Variants in CDC5L observed in about 807,000 individuals in gnomAD.
CDC5L encodes the protein cell division cycle 5-like protein.
CDC5L carries 18 observed loss-of-function variants against 104.1 expected under a neutral mutation model. The observed-to-expected ratio is 0.17, with a 90% confidence interval of 0.12 to 0.26. The LOEUF is 0.26. Among genes scored for constraint, CDC5L ranks in the 10% least tolerant of loss-of-function variants. The probability of loss-of-function intolerance (pLI) is 1.00; values close to 1 mark genes in which losing one functional copy is unlikely to be tolerated. For synonymous variants in CDC5L, 331 were observed against 322.7 expected, an observed-to-expected ratio of 1.03 and a Z score of -0.28; for missense variants, 673 against 956.9, an observed-to-expected ratio of 0.70 and a Z score of 3.91.
At chr6:44,392,586 A>C in intron 2 of CDC5L, 81 bp from the exon 3 acceptor site, 1 of 1,268,706 alleles carries the variant, frequency 7.9e-7, no homozygotes. Context: ...GGATGAGAGC[A>C]CAAGTCAGTG....
chr6:44,389,845 A>T (rs1010372167), intron 1 of CDC5L, among the ~76,000 whole-genome samples: 4 of 152,126 alleles, frequency 2.6e-5, no homozygotes, highest in African/African-American at 9.7e-5. Context: ...TTCAAGGTAG[A>T]TGTTCAGGAA....
chr6:44,402,571 A>G (rs1374875483), intron 5 of CDC5L, among the ~76,000 whole-genome samples: 2 of 152,148 alleles, frequency 1.3e-5, no homozygotes, highest in African/African-American at 4.8e-5. Context: ...TCCATCTTTC[A>G]TATTGTGAAT....
intron 8 of CDC5L, among the ~76,000 whole-genome samples, chr6:44,415,065 C>G (rs766323977): frequency 6.9e-4 from 105 of 152,066 alleles, no homozygotes; most frequent in Non-Finnish European, 1.1e-3. Flanking sequence ...CTTAGCAGCC[C>G]TTAAAAAAAT....
chr6:44,428,064 C>G (rs1057045653), intron 13 of CDC5L, among the ~76,000 whole-genome samples: 1 of 152,122 alleles, frequency 6.6e-6, no homozygotes, highest in Non-Finnish European at 1.5e-5. Context: ...ATTTAGTTAG[C>G]AGATTATTTA....
rs372146196 is a variant in CDC5L, at chr6:44,440,708, C to CTTT, written c.2092-4932_2092-4930dup. 5.8e-3 allele frequency among the ~76,000 whole-genome samples: 758 copies of CTTT among 130,978 alleles called. 24 individuals carry two copies. Among genetic ancestry groups the CTTT allele is most frequent in the African/African-American group, 0.021 (722 of 34,444 alleles). 85.9% of individuals were successfully genotyped at this position (130,978 alleles called of 152,430 possible). A position where few individuals can be genotyped will look rare whatever the true frequency, so the allele number is the denominator to read the frequency against. On this transcript the variant is annotated intron_variant, in intron 14 of 15. Coordinates refer to ENST00000371477, the MANE Select transcript of CDC5L (RefSeq NM_001253.4). Reference sequence around the variant, plus strand: ...CTTTGTGGAGAGAATATTTAAAATCCTTTTTTTTTTTTTTTTTGCTATGGA... The same window carrying CTTT: ...CTTTGTGGAGAGAATATTTAAAATCCTTTTTTTTTTTTTTTTTTTTGCTATGGA...
At chr6:44,404,624 T>C (rs1271659668) in intron 6 of CDC5L, among the ~76,000 whole-genome samples, 3 of 152,222 alleles carry the variant, frequency 2.0e-5, no homozygotes, top group African/African-American at 7.2e-5. Context: ...TTTATGTACA[T>C]TTATGAGTAG....
At chr6:44,393,418 T>A in intron 3 of CDC5L, 28 bp from the exon 4 acceptor site, 1 of 1,607,644 alleles carries the variant, frequency 6.2e-7, no homozygotes, top group Non-Finnish European at 8.5e-7. Flanking sequence ...TACTGTAGTG[T>A]GACTAACTCC....
At chr6:44,412,583 C>T (rs559949182) in intron 8 of CDC5L, among the ~76,000 whole-genome samples, 1 of 138,760 alleles carries the variant, frequency 7.2e-6, no homozygotes, top group East Asian at 2.0e-4. Context: ...AATATTCACA[C>T]TTGAAATTAA....
At chr6:44,439,271 G>T (rs1793072747) in intron 14 of CDC5L, among the ~76,000 whole-genome samples, 1 of 152,134 alleles carries the variant, frequency 6.6e-6, no homozygotes, top group African/African-American at 2.4e-5. Context: ...GGATATTTGG[G>T]TTGCTTCTAC....
chr6:44,403,476 A>G (rs1010150610), intron 5 of CDC5L, among the ~76,000 whole-genome samples: 3 of 152,146 alleles, frequency 2.0e-5, no homozygotes, highest in Admixed American at 6.5e-5. Context: ...AAGCTATTCA[A>G]TGTATAGATG....
At chr6:44,421,250 G>A (rs543217295) in intron 9 of CDC5L, among the ~76,000 whole-genome samples, 91 of 152,218 alleles carry the variant, frequency 6.0e-4, no homozygotes, top group African/African-American at 2.0e-3. Context: ...ACTTCCACAT[G>A]CGTTAACTAG....
intron 4 of CDC5L, among the ~76,000 whole-genome samples, chr6:44,394,602 T>C (rs930421662): frequency 1.3e-5 from 2 of 151,966 alleles, no homozygotes; most frequent in African/African-American, 4.8e-5. Flanking sequence ...ACGCCTGTAA[T>C]CCCAGCACGT....
chr6:44,388,628 A>G (rs1790456897), intron 1 of CDC5L, among the ~76,000 whole-genome samples: 1 of 149,668 alleles, frequency 6.7e-6, no homozygotes. Context: ...GGAGCACATC[A>G]TGTCTTTTCA....
At chr6:44,416,203 A>G (rs531612277) in intron 8 of CDC5L, among the ~76,000 whole-genome samples, 102 of 152,328 alleles carry the variant, frequency 6.7e-4, no homozygotes, top group Admixed American at 1.6e-3. Context: ...TTAGTCCCAT[A>G]TACAGTTATG....
chr6:44,437,727 T>G (rs1793000329), intron 14 of CDC5L, among the ~76,000 whole-genome samples: 1 of 152,200 alleles, frequency 6.6e-6, no homozygotes, highest in Admixed American at 6.5e-5. Flanking sequence ...ATTAAGCAGT[T>G]TCTGAGTATA....
rs1461043802 is a variant in CDC5L, at chr6:44,448,704, T to A, written c.*1993T>A. 2 of 152,228 alleles carry A rather than the reference T, an allele frequency of 1.3e-5. No individual in the cohort carries two copies. Among genetic ancestry groups the A allele is most frequent in the African/African-American group, 4.8e-5 (2 of 41,468 alleles). The allele number at this position is 152,228 out of a possible 1,614,324, so 9.4% of individuals were successfully genotyped here. ...ATAATGATAGTGTTTCTTCTGATAG[T>A]TTTATTTCACTTTTATTGCATGTTT... On this transcript the variant is annotated 3_prime_UTR_variant, in exon 16 of 16. Transcript: ENST00000371477.
At chr6:44,396,257 A>G (rs1311729364) in intron 4 of CDC5L, 84 bp from the exon 5 acceptor site, 16 of 744,258 alleles carry the variant, frequency 2.1e-5, no homozygotes, top group Non-Finnish European at 3.3e-5. Flanking sequence ...CATTTTGAGC[A>G]ATAGAGTGTC....
At chr6:44,395,979 G>A (rs910077193) in intron 4 of CDC5L, among the ~76,000 whole-genome samples, 1 of 152,144 alleles carries the variant, frequency 6.6e-6, no homozygotes, top group African/African-American at 2.4e-5. Flanking sequence ...AATAATGAAG[G>A]ATACAATAAT....
chr6:44,432,438 G>A (rs1792729342), intron 14 of CDC5L, among the ~76,000 whole-genome samples: 1 of 151,906 alleles, frequency 6.6e-6, no homozygotes, highest in Non-Finnish European at 1.5e-5. Context: ...CTTTGGAACC[G>A]TGAATCTAAA....
Sources: allele counts gnomAD v4.1 joint callset (sites outside exome capture counted in the v4.1 genomes callset), GRCh38; gene constraint gnomAD v4.1.1; transcripts MANE v1.5; gene names NCBI Gene and HGNC (gene_info 2026-07-23, HGNC 2026-07-21).